The following PLA2G5 variants were observed in gnomAD, a reference collection of about 807,000 sequenced individuals.
PLA2G5 encodes Ca2+-dependent phospholipase A2.
PLA2G5 carries 12 observed loss-of-function variants against 15.9 expected under a neutral mutation model. That is an observed-to-expected ratio of 0.76 (90% CI 0.48 to 1.23). The LOEUF is 1.23. Ranked by LOEUF, PLA2G5 falls within the 50% of genes most tolerant of loss-of-function variation. The probability of loss-of-function intolerance (pLI) is 0.00; values close to 1 mark genes in which losing one functional copy is unlikely to be tolerated. For missense variants in PLA2G5, 169 were observed against 177.1 expected (o/e 0.95, Z 0.26); for synonymous variants, 71 against 71.4 (o/e 0.99, Z 0.03).
intron 2 of PLA2G5, among the ~76,000 whole-genome samples, chr1:20,060,440 A>T (rs1168480517): frequency 1.3e-5 from 2 of 151,252 alleles, no homozygotes; most frequent in African/African-American, 2.4e-5. Context: ...TTTAGTAGAG[A>T]TGGGGTTTCA....
At chr1:20,072,479 C>G (rs928702069) in intron 1 of PLA2G5, among the ~76,000 whole-genome samples, 1 of 151,934 alleles carries the variant, frequency 6.6e-6, no homozygotes, top group African/African-American at 2.4e-5. Flanking sequence ...GAAAAGGGAA[C>G]AGGGGGAGGG....
intron 1 of PLA2G5, among the ~76,000 whole-genome samples, chr1:20,053,275 G>C (rs1229491465): frequency 6.6e-6 from 1 of 151,890 alleles, no homozygotes; most frequent in Non-Finnish European, 1.5e-5. Flanking sequence ...TTACTTATTT[G>C]TTCAATTGTA....
intron 1 of PLA2G5, among the ~76,000 whole-genome samples, chr1:20,047,315 C>G (rs1225734756): frequency 1.3e-5 from 2 of 150,580 alleles, no homozygotes; most frequent in Non-Finnish European, 3.0e-5. Flanking sequence ...TGATCCACCA[C>G]ACAAAAACCC....
At chr1:20,079,066 A>C (rs867020428) in intron 1 of PLA2G5, among the ~76,000 whole-genome samples, 7 of 140,600 alleles carry the variant, frequency 5.0e-5, no homozygotes. Flanking sequence ...GTGAGATGTG[A>C]TTGTGTCTCT....
At chr1:20,039,636 A>C (rs756071788) in intron 1 of PLA2G5, among the ~76,000 whole-genome samples, 14 of 152,204 alleles carry the variant, frequency 9.2e-5, no homozygotes, top group Non-Finnish European at 1.3e-4. Flanking sequence ...TTTCCTATAA[A>C]TAGGAAATAT....
upstream of PLA2G5, among the ~76,000 whole-genome samples, chr1:20,066,989 G>A (rs2015064652): frequency 1.7e-5 from 2 of 116,848 alleles, no homozygotes; most frequent in East Asian, 5.9e-4. Flanking sequence ...CTGAGTGACA[G>A]AGTGAGACCT....
At position 20,090,776 on chromosome 1, in the gene PLA2G5, G is replaced by C. The variant is rs2016532087; in HGVS notation, c.*84G>C. 7.0e-7 allele frequency: 1 copy of C among 1,435,582 alleles called. No individual in the cohort carries two copies. Among genetic ancestry groups the C allele is most frequent in the Non-Finnish European group, 9.8e-7 (1 of 1,024,214 alleles). The allele number at this position is 1,435,582 out of a possible 1,614,324, so 88.9% of individuals were successfully genotyped here. A position where few individuals can be genotyped will look rare whatever the true frequency, so the allele number is the denominator to read the frequency against. ...AGTACTGACTCTGCCTGGTTCCTGA[G>C]AGAGGCTCCTAAGTCACAGACCTCA... On this transcript the variant is annotated 3_prime_UTR_variant, in exon 5 of 5. Coordinates refer to ENST00000375108, the MANE Select transcript of PLA2G5 (RefSeq NM_000929.3).
At chr1:20,040,594 A>G (rs1172644489) in intron 1 of PLA2G5, among the ~76,000 whole-genome samples, 1 of 152,064 alleles carries the variant, frequency 6.6e-6, no homozygotes, top group Non-Finnish European at 1.5e-5. Context: ...ACACACACAC[A>G]CACACACACA....
At chr1:20,039,281 G>A (rs1368651273) in intron 1 of PLA2G5, among the ~76,000 whole-genome samples, 1 of 152,198 alleles carries the variant, frequency 6.6e-6, no homozygotes, top group East Asian at 1.9e-4. Context: ...CCAAAGCATG[G>A]ACATTAATGT....
intron 1 of PLA2G5, among the ~76,000 whole-genome samples, chr1:20,049,746 T>C (rs2014091832): frequency 6.6e-6 from 1 of 152,218 alleles, no homozygotes; most frequent in Admixed American, 6.5e-5. Flanking sequence ...TAAACCTCTT[T>C]CCTTTATAAA....
chr1:20,067,578 C>T (rs1183336802), upstream of PLA2G5, among the ~76,000 whole-genome samples: 1 of 152,006 alleles, frequency 6.6e-6, no homozygotes, highest in Non-Finnish European at 1.5e-5. Flanking sequence ...GTCCCAGCTA[C>T]TCAGGAGGCT....
At chr1:20,071,310 C>A (rs1238014884) in intron 1 of PLA2G5, among the ~76,000 whole-genome samples, 1 of 152,158 alleles carries the variant, frequency 6.6e-6, no homozygotes, top group Non-Finnish European at 1.5e-5. Context: ...TCCTAGGATC[C>A]AATCTGTGCC....
chr1:20,084,949 T>C (rs1569828825), intron 2 of PLA2G5, 79 bp downstream of exon 2: 2 of 987,122 alleles, frequency 2.0e-6, no homozygotes, highest in East Asian at 2.4e-5. Context: ...CACCAGCCAT[T>C]GAGGTCGTAG....
intron 2 of PLA2G5, among the ~76,000 whole-genome samples, chr1:20,060,545 G>A (rs2014672117): frequency 1.3e-5 from 2 of 151,692 alleles, no homozygotes; most frequent in South Asian, 4.2e-4. Context: ...GAGCCACCAT[G>A]CCCAGCCAGT....
At chr1:20,077,342 A>G (rs777303337) in intron 1 of PLA2G5, among the ~76,000 whole-genome samples, 3 of 152,312 alleles carry the variant, frequency 2.0e-5, no homozygotes, top group Non-Finnish European at 4.4e-5. Flanking sequence ...GGGATAGAAT[A>G]TCAGACTCTA....
At chr1:20,073,630 C>T (rs540789017) in intron 1 of PLA2G5, among the ~76,000 whole-genome samples, 5 of 152,150 alleles carry the variant, frequency 3.3e-5, no homozygotes, top group Non-Finnish European at 7.4e-5. Flanking sequence ...CACCTGTGAC[C>T]CCAGCATTTT....
chr1:20,029,057 C>A (rs936096750), intron 1 of PLA2G5, among the ~76,000 whole-genome samples: 2 of 152,214 alleles, frequency 1.3e-5, no homozygotes, highest in East Asian at 1.9e-4. Flanking sequence ...CAATTAGACT[C>A]TTTACCTTGT....
In PLA2G5 at chr1:20,043,904, G is replaced by A. The variant is rs570308566; in HGVS notation, n.276+15195G>A. ...GAGAGTTACCTGAAGCTAGGCATGC[G>A]TGATGGTCCAGGGGGCTTTCGAGGT... On this transcript the variant is annotated intron_variant and non_coding_transcript_variant, in intron 1 of 6. Coordinates refer to the PLA2G5 transcript ENST00000460175. Among the ~76,000 whole-genome samples, 23 of 152,306 alleles carry A rather than the reference G, an allele frequency of 1.5e-4. 1 individual carries two copies. The South Asian group carries it at 3.9e-3, about 26-fold the overall frequency.
At chr1:20,048,112 C>T (rs560139624) in intron 1 of PLA2G5, among the ~76,000 whole-genome samples, 1 of 151,974 alleles carries the variant, frequency 6.6e-6, no homozygotes, top group African/African-American at 2.4e-5. Context: ...TGTTTCACTA[C>T]TGAAAATATA....
Sources: allele counts gnomAD v4.1 joint callset (sites outside exome capture counted in the v4.1 genomes callset), GRCh38; gene constraint gnomAD v4.1.1; transcripts MANE v1.5; gene names NCBI Gene and HGNC (gene_info 2026-07-23, HGNC 2026-07-21).